ADGRL2: variants seen among roughly 807,000 people sequenced by gnomAD.
The protein encoded by ADGRL2 is calcium-independent alpha-latrotoxin receptor 2.
Under a neutral mutation model 157.4 loss-of-function variants are expected in ADGRL2, and 44 were observed. The ratio of observed to expected loss-of-function variants is 0.28; its 90% CI spans 0.22 to 0.36. ADGRL2 has a LOEUF of 0.36. ADGRL2 is among the 10% of genes least tolerant of loss of function. The probability of loss-of-function intolerance (pLI) is 1.00; values close to 1 mark genes in which losing one functional copy is unlikely to be tolerated. For missense variants in ADGRL2, 1,510 were observed against 1,768.9 expected (o/e 0.85, Z 2.63); for synonymous variants, 585 against 624.7 (o/e 0.94, Z 0.95).
upstream of ADGRL2, among the ~76,000 whole-genome samples, chr1:81,699,369 A>C (rs2083511636): frequency 6.6e-6 from 1 of 152,218 alleles, no homozygotes; most frequent in Non-Finnish European, 1.5e-5. Context: ...TTCAGCAAAT[A>C]GGTATTTGCC....
chr1:81,512,669 G>A (rs1226032339), intron 2 of ADGRL2, among the ~76,000 whole-genome samples: 1 of 151,992 alleles, frequency 6.6e-6, no homozygotes, highest in Non-Finnish European at 1.5e-5. Context: ...TTTCTATCTA[G>A]GCTATAAAAT....
chr1:81,481,259 A>C (rs577430387), intron 2 of ADGRL2, among the ~76,000 whole-genome samples: 38 of 152,230 alleles, frequency 2.5e-4, no homozygotes, highest in Non-Finnish European at 4.7e-4. Flanking sequence ...AATTCCGCAA[A>C]ATTTAACTTT....
intron 1 of ADGRL2, among the ~76,000 whole-genome samples, chr1:81,810,632 C>T (rs1313213144): frequency 6.6e-6 from 1 of 151,776 alleles, no homozygotes; most frequent in Admixed American, 6.6e-5. Flanking sequence ...TTTTGGGAAA[C>T]ATTAATTTTG....
chr1:81,628,827 A>G (rs533373186), intron 3 of ADGRL2, among the ~76,000 whole-genome samples: 5 of 152,342 alleles, frequency 3.3e-5, no homozygotes, highest in African/African-American at 9.6e-5. Context: ...AAAAAAATCT[A>G]AAGTTGTTTT....
chr1:81,621,110 T>C (rs1259337340), intron 3 of ADGRL2, among the ~76,000 whole-genome samples: 2 of 152,210 alleles, frequency 1.3e-5, no homozygotes, highest in African/African-American at 4.8e-5. Context: ...TTCTGACTTC[T>C]GGAAGCTGAA....
chr1:81,419,305 G>A (rs1309705603), intron 1 of ADGRL2, among the ~76,000 whole-genome samples: 1 of 152,172 alleles, frequency 6.6e-6, no homozygotes, highest in Non-Finnish European at 1.5e-5. Context: ...CTGGGTTCAA[G>A]CAATTCTCCT....
chr1:81,694,834 T>C (rs752349088), upstream of ADGRL2, among the ~76,000 whole-genome samples: 17 of 152,184 alleles, frequency 1.1e-4, no homozygotes, highest in African/African-American at 1.7e-4. Context: ...AAATTAACTT[T>C]CAAACCTTGA....
intron 1 of ADGRL2, among the ~76,000 whole-genome samples, chr1:81,431,987 T>A (rs2077331047): frequency 6.6e-6 from 1 of 152,202 alleles, no homozygotes; most frequent in African/African-American, 2.4e-5. Flanking sequence ...CCTCAGCCCC[T>A]GTATTTACCA....
At chr1:81,877,178 T>C (rs2093863155) in intron 2 of ADGRL2, among the ~76,000 whole-genome samples, 1 of 152,298 alleles carries the variant, frequency 6.6e-6, no homozygotes. Context: ...CAGGATTGAC[T>C]TTCCCAATTA....
intron 1 of ADGRL2, among the ~76,000 whole-genome samples, chr1:81,823,671 G>A (rs1436224439): frequency 1.3e-5 from 2 of 151,978 alleles, no homozygotes; most frequent in Non-Finnish European, 2.9e-5. Context: ...ATGTGTGGTG[G>A]AGGTTTAGGG....
At chr1:81,973,940 A>AAAAT (rs113677033) in intron 17 of ADGRL2, among the ~76,000 whole-genome samples, 11 of 151,460 alleles carry the variant, frequency 7.3e-5, no homozygotes, top group African/African-American at 1.2e-4. Flanking sequence ...GTGGGGAAAA[A>AAAAT]ATATATATAT....
At chr1:81,314,699 A>AT (rs1659987615) in intron 1 of ADGRL2, among the ~76,000 whole-genome samples, 1 of 152,178 alleles carries the variant, frequency 6.6e-6, no homozygotes, top group Non-Finnish European at 1.5e-5. Context: ...CTTTAATGAG[A>AT]TAAAATAGTG....
intron 2 of ADGRL2, among the ~76,000 whole-genome samples, chr1:81,458,829 G>A (rs948271178): frequency 1.3e-5 from 2 of 152,180 alleles, no homozygotes; most frequent in Non-Finnish European, 2.9e-5. Flanking sequence ...CATTCCTCCT[G>A]ACTGCAGCTC....
intron 3 of ADGRL2, among the ~76,000 whole-genome samples, chr1:81,908,659 A>AT (rs1553186339): frequency 6.6e-6 from 1 of 152,150 alleles, no homozygotes; most frequent in Non-Finnish European, 1.5e-5. Context: ...CAAAGTGGCT[A>AT]TACCACTTTC....
At chr1:81,753,070 G>C (rs970016023) in intron 1 of ADGRL2, among the ~76,000 whole-genome samples, 3 of 152,178 alleles carry the variant, frequency 2.0e-5, no homozygotes, top group African/African-American at 7.2e-5. Context: ...GTGCTAGAAT[G>C]GTACTGAAGA....
At chr1:81,949,794 G>A (rs1651155378) in intron 6 of ADGRL2, among the ~76,000 whole-genome samples, 1 of 152,044 alleles carries the variant, frequency 6.6e-6, no homozygotes, top group South Asian at 2.1e-4. Flanking sequence ...TTAATGCTTT[G>A]AATTTGATTG....
intron 1 of ADGRL2, among the ~76,000 whole-genome samples, chr1:81,363,088 G>A (rs1198425260): frequency 6.6e-6 from 1 of 151,992 alleles, no homozygotes; most frequent in Non-Finnish European, 1.5e-5. Flanking sequence ...TATACTGGTA[G>A]ATATTTATTA....
rs144875211 is a variant in ADGRL2, at chr1:81,531,880, A to G, written c.-247-48996A>G. Among the ~76,000 whole-genome samples, 168 of 152,308 alleles carry G rather than the reference A, an allele frequency of 1.1e-3. 2 individuals are homozygous for G. Among genetic ancestry groups the G allele is most frequent in the African/African-American group, 3.8e-3 (159 of 41,566 alleles). Reference sequence around the variant, plus strand: ...AAGCCCCTAAATTTCTTAAATTTTTATATACTTTAGACACCGTAAAACCTG... The same window carrying G: ...AAGCCCCTAAATTTCTTAAATTTTTGTATACTTTAGACACCGTAAAACCTG... On this transcript the variant is annotated intron_variant, in intron 2 of 24. Coordinates refer to the ADGRL2 transcript ENST00000370721.
chr1:81,835,947 T>C (rs766469930), intron 1 of ADGRL2, among the ~76,000 whole-genome samples: 1 of 152,098 alleles, frequency 6.6e-6, no homozygotes, highest in Non-Finnish European at 1.5e-5. Flanking sequence ...TATAATGAAC[T>C]GATAGTAGAA....
Sources: gnomAD v4.1 joint callset for allele counts (sites outside exome capture counted in the v4.1 genomes callset) on GRCh38, gnomAD v4.1.1 for gene constraint, MANE v1.5 for transcripts, NCBI Gene and HGNC (gene_info 2026-07-23, HGNC 2026-07-21) for gene names.